RGPD4: variants seen among roughly 807,000 people sequenced by gnomAD.
RGPD4 encodes RANBP2 like and GRIP domain containing 4, also known as ranBP2-like and GRIP domain-containing protein 4.
Under a neutral mutation model 141.1 loss-of-function variants are expected in RGPD4, and 84 were observed. That is an observed-to-expected ratio of 0.60 (90% CI 0.50 to 0.71). The LOEUF (loss-of-function observed/expected upper bound fraction) is 0.71. RGPD4 is among the 30% of genes least tolerant of loss of function. RGPD4 has a pLI of 0.00. For missense variants in RGPD4, 918 were observed against 1,622.4 expected (o/e 0.57, Z 7.46); for synonymous variants, 298 against 566.8 (o/e 0.53, Z 6.74).
chr2:107,884,276 A>G (rs556226450), intron 22 of RGPD4, among the ~76,000 whole-genome samples: 7 of 152,018 alleles, frequency 4.6e-5, no homozygotes, highest in Admixed American at 2.6e-4. Context: ...TAATTTTTCT[A>G]TTTTTAGTAG....
Position 107,870,172 on chromosome 2 carries a change from T to C in RGPD4, c.2700+195T>C, listed in dbSNP as rs920690517. Among the ~76,000 whole-genome samples the C allele has an allele frequency of 2.4e-4, 36 of 149,858 alleles. 1 individual carries two copies. Among genetic ancestry groups the C allele is most frequent in the African/African-American group, 8.0e-4 (32 of 40,114 alleles). On this transcript the variant is annotated intron_variant, in intron 19 of 22. Coordinates refer to ENST00000408999, the MANE Select transcript of RGPD4 (RefSeq NM_182588.3). Reference sequence around the variant, plus strand: ...ATTTTTGAGTTAATAAGTGTGAATATTTAGAATATTTTAAAAATGGGAGTG... The same window carrying C: ...ATTTTTGAGTTAATAAGTGTGAATACTTAGAATATTTTAAAAATGGGAGTG...
Position 107,871,865 on chromosome 2 carries a change from G to A in RGPD4, c.3861G>A (p.Glu1287=), listed in dbSNP as rs770137772. Residue 1287 remains glutamate (E), a synonymous_variant, in exon 20 of 23, where the codon GAG becomes GAA. Coordinates refer to ENST00000408999, the MANE Select transcript of RGPD4 (RefSeq NM_182588.3). ...GAAAAAATCTTTTCCATTTTGGTGA[G>A]TCAACAACAGGATCTAACTTCAGTT... is the stretch of plus-strand genomic sequence containing the variant. ...PVRKNLFHFG[E]STTGSNFSFK... is the part of the protein sequence containing the mutation. The A allele has an allele frequency of 6.2e-7, 1 of 1,611,654 alleles. No homozygotes were observed. The highest frequency in any genetic ancestry group is 2.2e-5 in the East Asian group (1 of 44,868).
At chr2:107,834,149 G>A (rs1042325553) in intron 1 of RGPD4, among the ~76,000 whole-genome samples, 1 of 151,782 alleles carries the variant, frequency 6.6e-6, no homozygotes, top group Non-Finnish European at 1.5e-5. Flanking sequence ...GGGATTGCAG[G>A]TGTTAGCCTG....
chr2:107,854,213 G>A (rs559653466), intron 7 of RGPD4, among the ~76,000 whole-genome samples: 15 of 140,144 alleles, frequency 1.1e-4, no homozygotes, highest in South Asian at 5.0e-4. Flanking sequence ...GTGCCACCAC[G>A]CCTGGCTCTT....
intron 7 of RGPD4, among the ~76,000 whole-genome samples, chr2:107,853,449 C>T (rs832009): frequency 0.67 from 88,811 of 133,292 alleles, 30,225 homozygotes; most frequent in Middle Eastern, 0.75. Context: ...TTTTTTTTTT[C>T]CATAGGTTAT....
rs997614970 is a variant in RGPD4, at chr2:107,846,482, T to C, written c.783-1859T>C. On this transcript the variant is annotated intron_variant, in intron 6 of 22. Transcript: ENST00000408999. ...GTGTTAATAATTATAGCTTTTTTTT[T>C]TGAGACGGAGTTTTGCTCTTGTTGC... 1.3e-5 allele frequency among the ~76,000 whole-genome samples: 2 copies of C among 151,794 alleles called. 1 individual carries two copies. The highest frequency in any genetic ancestry group is 4.9e-5 in the African/African-American group (2 of 41,096).
intron 7 of RGPD4, among the ~76,000 whole-genome samples, chr2:107,849,576 T>C (rs1363445958): frequency 2.4e-5 from 1 of 40,974 alleles, no homozygotes; most frequent in African/African-American, 1.2e-4. Flanking sequence ...TTCACCATGT[T>C]AGCCAGGATG....
At chr2:107,853,491 C>T (rs1202921588) in intron 7 of RGPD4, among the ~76,000 whole-genome samples, 2 of 141,430 alleles carry the variant, frequency 1.4e-5, no homozygotes, top group African/African-American at 5.2e-5. Context: ...TCCTGGTTGT[C>T]CCATTTATTC....
At chr2:107,831,746 T>C (rs1866639) in intron 1 of RGPD4, among the ~76,000 whole-genome samples, 1 of 147,306 alleles carries the variant, frequency 6.8e-6, no homozygotes, top group Non-Finnish European at 1.5e-5. Context: ...AATTTTTTAG[T>C]GTTTTTAGTA....
At chr2:107,888,278 C>T (rs1675563481) in intron 22 of RGPD4, among the ~76,000 whole-genome samples, 1 of 124,288 alleles carries the variant, frequency 8.0e-6, no homozygotes, top group East Asian at 2.0e-4. Flanking sequence ...TGCACAAGGG[C>T]AGGAGCCTGC....
At chr2:107,854,030 T>A (rs1262802718) in intron 7 of RGPD4, among the ~76,000 whole-genome samples, 1 of 147,000 alleles carries the variant, frequency 6.8e-6, no homozygotes, top group African/African-American at 2.6e-5. Context: ...ATTACAGGTG[T>A]GAGCCAACAT....
intron 7 of RGPD4, among the ~76,000 whole-genome samples, chr2:107,849,231 T>C (rs1185918222): frequency 1.2e-5 from 1 of 81,362 alleles, no homozygotes; most frequent in Non-Finnish European, 2.5e-5. Flanking sequence ...ATTTTTTGTA[T>C]TTTTAATAGA....
At chr2:107,845,752 G>A (rs1296545984) in intron 6 of RGPD4, among the ~76,000 whole-genome samples, 1 of 152,072 alleles carries the variant, frequency 6.6e-6, no homozygotes. Flanking sequence ...TTTTAGTAGA[G>A]ACGGAGTGTC....
chr2:107,857,597 T>A (rs1682369912), intron 9 of RGPD4, among the ~76,000 whole-genome samples: 1 of 151,632 alleles, frequency 6.6e-6, no homozygotes, highest in East Asian at 1.9e-4. Flanking sequence ...TCGGCCCAGA[T>A]AATTTTTTTT....
At chr2:107,845,596 G>A (rs1273097504) in intron 6 of RGPD4, among the ~76,000 whole-genome samples, 2 of 152,242 alleles carry the variant, frequency 1.3e-5, no homozygotes, top group African/African-American at 2.4e-5. Flanking sequence ...GTGACAGATG[G>A]TTTGTCAGAT....
intron 20 of RGPD4, among the ~76,000 whole-genome samples, chr2:107,875,257 T>G (rs879547982): frequency 1.5e-5 from 1 of 65,304 alleles, no homozygotes; most frequent in African/African-American, 8.4e-5. Flanking sequence ...GAAAGTAACT[T>G]TATCGATAGA....
At chr2:107,874,316 A>G (rs2104502960) in intron 20 of RGPD4, among the ~76,000 whole-genome samples, 1 of 150,528 alleles carries the variant, frequency 6.6e-6, no homozygotes, top group African/African-American at 2.5e-5. Context: ...CCAGCATTCT[A>G]CAGCTTGCAT....
At chr2:107,878,412 G>A (rs1427691374) in intron 20 of RGPD4, among the ~76,000 whole-genome samples, 2 of 149,398 alleles carry the variant, frequency 1.3e-5, no homozygotes, top group Admixed American at 6.7e-5. Context: ...CAACTGATAC[G>A]GAGTCTGTGT....
At chr2:107,832,187 CATTG>C (rs749712465) in intron 1 of RGPD4, among the ~76,000 whole-genome samples, 22 of 151,240 alleles carry the variant, frequency 1.5e-4, no homozygotes, top group South Asian at 4.2e-4. Context: ...CAGCTTAAAA[CATTG>C]ATTGATTGAT....
Sources: gnomAD v4.1 joint callset for allele counts (sites outside exome capture counted in the v4.1 genomes callset) on GRCh38, gnomAD v4.1.1 for gene constraint, MANE v1.5 for transcripts, NCBI Gene and HGNC (gene_info 2026-07-23, HGNC 2026-07-21) for gene names.